TECPR2: variants seen among roughly 807,000 people sequenced by gnomAD.
The protein encoded by TECPR2 is tectonin beta-propeller repeat containing 2.
A neutral mutation model predicts 138.1 loss-of-function variants in TECPR2; 65 were observed. The ratio of observed to expected loss-of-function variants is 0.47; its 90% CI spans 0.39 to 0.58. TECPR2 has a LOEUF of 0.58. Ranked by LOEUF, TECPR2 falls within the 20% of genes least tolerant of loss-of-function variation. The probability of loss-of-function intolerance (pLI) is 0.00; values close to 1 mark genes in which losing one functional copy is unlikely to be tolerated. For missense variants in TECPR2, 1,553 were observed against 1,824.5 expected (o/e 0.85, Z 2.71); for synonymous variants, 746 against 749.8 (o/e 0.99, Z 0.08).
intron 11 of TECPR2, among the ~76,000 whole-genome samples, chr14:102,442,905 C>T (rs1181247340): frequency 3.9e-5 from 6 of 152,352 alleles, no homozygotes; most frequent in African/African-American, 1.4e-4. Context: ...ACTTTATTGA[C>T]AGAACACAAG....
At position 102,363,078 on chromosome 14, in the gene TECPR2, C is replaced by G. The variant is rs2139640405; in HGVS notation, c.-111C>G. On this transcript the variant is annotated 5_prime_UTR_variant, in exon 1 of 20. Coordinates refer to ENST00000359520, the MANE Select transcript of TECPR2 (RefSeq NM_014844.5). ...CGGAGTCCATCCCGCCTCCTCCGGC[C>G]CGGCGGGGCCGACGAGTCCGGAGGG... is the stretch of plus-strand genomic sequence containing the variant. 1 of 494,470 alleles carries G rather than the reference C, an allele frequency of 2.0e-6. No homozygotes were observed. Among genetic ancestry groups the G allele is most frequent in the East Asian group, 3.5e-5 (1 of 28,726 alleles). The allele number at this position is 494,470 out of a possible 1,614,324, so 30.6% of individuals were successfully genotyped here. A position where few individuals can be genotyped will look rare whatever the true frequency, so the allele number is the denominator to read the frequency against.
rs1216568706 is a variant in TECPR2, at chr14:102,501,365, A to G, written c.*3108A>G. The G allele has an allele frequency of 6.6e-6, 1 of 152,238 alleles. No homozygotes were observed. Among genetic ancestry groups the G allele is most frequent in the African/African-American group, 2.4e-5 (1 of 41,450 alleles). 9.4% of individuals were successfully genotyped at this position (152,238 alleles called of 1,614,324 possible). A position where few individuals can be genotyped will look rare whatever the true frequency, so the allele number is the denominator to read the frequency against. ...AAGCTACAGAGGAAAATAAGTACATAGATTTGATTTCTCCAAAATACAGAA... is the reference window on the plus strand; with the variant it reads ...AAGCTACAGAGGAAAATAAGTACATGGATTTGATTTCTCCAAAATACAGAA... On this transcript the variant is annotated 3_prime_UTR_variant, in exon 20 of 20. Transcript: ENST00000359520.
intron 17 of TECPR2, among the ~76,000 whole-genome samples, chr14:102,480,181 G>A (rs1360982313): frequency 1.3e-5 from 2 of 151,022 alleles, no homozygotes; most frequent in African/African-American, 2.4e-5. Flanking sequence ...AATTCAGCAG[G>A]TCTGGGGTGA....
intron 7 of TECPR2, among the ~76,000 whole-genome samples, chr14:102,429,059 C>G: frequency 6.6e-6 from 1 of 152,142 alleles, no homozygotes; most frequent in East Asian, 1.9e-4. Flanking sequence ...GTTGGTCAGG[C>G]AGGTCTCAAA....
At chr14:102,392,122 G>A (rs1888192600) in intron 2 of TECPR2, among the ~76,000 whole-genome samples, 1 of 152,102 alleles carries the variant, frequency 6.6e-6, no homozygotes, top group Non-Finnish European at 1.5e-5. Flanking sequence ...CCAAGTAGCA[G>A]GGATTACAGG....
At chr14:102,457,832 TCTTCCTAA>T (rs1252482506) in intron 16 of TECPR2, among the ~76,000 whole-genome samples, 1 of 151,360 alleles carries the variant, frequency 6.6e-6, no homozygotes. Flanking sequence ...ATTGTGCTCT[TCTTCCTAA>T]CTTCGCTCCT....
In TECPR2 at chr14:102,428,222, G is replaced by GTTTTTTTTTTTTTTTTTTT. The variant is rs565236204; in HGVS notation, c.952-24_952-6dup. 106 of 1,058,630 alleles carry GTTTTTTTTTTTTTTTTTTT rather than the reference G, an allele frequency of 1.0e-4. 6 individuals are homozygous for GTTTTTTTTTTTTTTTTTTT. The highest frequency in any genetic ancestry group is 3.2e-4 in the Middle Eastern group (1 of 3,158). 65.6% of individuals were successfully genotyped at this position (1,058,630 alleles called of 1,614,324 possible). Reference sequence around the variant, plus strand: ...ACCGTTGTTTAGTTTTGTGTTTTTTGTTTTTTTTTTTTTTTTTTTTTTGAC... The same window carrying GTTTTTTTTTTTTTTTTTTT: ...ACCGTTGTTTAGTTTTGTGTTTTTTGTTTTTTTTTTTTTTTTTTTTTTTTTTTTTTTTTTTTTTTTTGAC... On this transcript the variant is annotated intron_variant, in intron 6 of 19. Coordinates refer to ENST00000359520, the MANE Select transcript of TECPR2 (RefSeq NM_014844.5).
At chr14:102,497,381 G>A (rs1482861012) in intron 18 of TECPR2, among the ~76,000 whole-genome samples, 189 bp from the exon 19 acceptor site, 1 of 152,238 alleles carries the variant, frequency 6.6e-6, no homozygotes, top group Non-Finnish European at 1.5e-5. Context: ...TCTGGCTTTC[G>A]GTGGCTTTGC....
Position 102,450,653 on chromosome 14 carries a change from G to A in TECPR2, c.3406+4G>A. The A allele has an allele frequency of 6.2e-7, 1 of 1,614,038 alleles. No individual in the cohort carries two copies. Among genetic ancestry groups the A allele is most frequent in the Non-Finnish European group, 8.5e-7 (1 of 1,179,928 alleles). ...TCTGCAGCTCCCACGAAGGAAGGTGGGTCAGTCTTAGCCTCACTGAAGAAT... is the reference window on the plus strand; with the variant it reads ...TCTGCAGCTCCCACGAAGGAAGGTGAGTCAGTCTTAGCCTCACTGAAGAAT... On this transcript the variant is annotated splice_donor_region_variant and intron_variant, in intron 15 of 19. Transcript: ENST00000359520.
At chr14:102,384,701 G>A (rs112904162) in intron 2 of TECPR2, among the ~76,000 whole-genome samples, 20 of 147,198 alleles carry the variant, frequency 1.4e-4, no homozygotes, top group Admixed American at 2.7e-4. Flanking sequence ...ATATATATAT[G>A]TGTGTGTGTG....
chr14:102,495,748 T>C (rs1366029858), intron 17 of TECPR2, among the ~76,000 whole-genome samples: 4 of 152,204 alleles, frequency 2.6e-5, no homozygotes, highest in Admixed American at 2.6e-4. Context: ...CCTGATCCAC[T>C]GGGACTGGCC....
Position 102,415,444 on chromosome 14 carries a change from C to T in TECPR2, c.638+651C>T, listed in dbSNP as rs1289511118. On this transcript the variant is annotated intron_variant, in intron 5 of 19. Coordinates refer to ENST00000359520, the MANE Select transcript of TECPR2 (RefSeq NM_014844.5). This position sits in a 1 kb window ranked among gnomAD's most constrained non-coding sequence, Gnocchi z 4.3. ...ATGTGGAGGAAGGGCATCGAGAAGT[C>T]CACCAGCCATACCAGCCGTGTGGGA... Among the ~76,000 whole-genome samples, 1 of 152,152 alleles carries T rather than the reference C, an allele frequency of 6.6e-6. No individual in the cohort carries two copies.
chr14:102,449,736 G>A lies in TECPR2; in HGVS notation c.3183G>A (p.Val1061=). The part of the protein sequence containing the change: ...ATAAQAPVEK[V]ADKLRMAFWS... The stretch of plus-strand genomic sequence containing the variant: ...CAGCCCAAGCCCCCGTAGAAAAGGT[G>A]GCAGATAAGCTGCGCATGGCGTTTT... Residue 1061 remains valine (V), a synonymous_variant, in exon 14 of 20, where the codon GTG becomes GTA. Transcript: ENST00000359520. 1 of 1,614,150 alleles carries A rather than the reference G, an allele frequency of 6.2e-7. No individual in the cohort carries two copies. Among genetic ancestry groups the A allele is most frequent in the Non-Finnish European group, 8.5e-7 (1 of 1,180,034 alleles).
At chr14:102,408,741 G>T in intron 4 of TECPR2, 122 bp downstream of exon 4, 1 of 1,096,370 alleles carries the variant, frequency 9.1e-7, no homozygotes. Context: ...AATCTCAATT[G>T]TTATTTGTAA....
chr14:102,457,348 G>T (rs1890299786), intron 16 of TECPR2, among the ~76,000 whole-genome samples: 1 of 152,174 alleles, frequency 6.6e-6, no homozygotes, highest in South Asian at 2.1e-4. Flanking sequence ...GCCTCCCAAA[G>T]TGCTGGGATT....
intron 5 of TECPR2, among the ~76,000 whole-genome samples, chr14:102,416,483 G>A (rs1445417251): frequency 1.3e-5 from 2 of 152,190 alleles, no homozygotes; most frequent in East Asian, 1.9e-4. Context: ...TCTCCCTTTC[G>A]GTCCCTGGAG....
chr14:102,458,210 C>T (rs1372134624), intron 16 of TECPR2, among the ~76,000 whole-genome samples: 2 of 152,168 alleles, frequency 1.3e-5, no homozygotes, highest in Non-Finnish European at 2.9e-5. Context: ...CCAGAGTGCT[C>T]TTTTGGCCAG....
intron 1 of TECPR2, among the ~76,000 whole-genome samples, chr14:102,371,462 G>C (rs1378169426): frequency 6.6e-6 from 1 of 152,092 alleles, no homozygotes; most frequent in East Asian, 1.9e-4. Context: ...GACAAGCCTG[G>C]TGCTAAGCTC....
At chr14:102,387,783 C>T (rs1888052059) in intron 2 of TECPR2, among the ~76,000 whole-genome samples, 1 of 152,188 alleles carries the variant, frequency 6.6e-6, no homozygotes, top group Non-Finnish European at 1.5e-5. Context: ...GCCTCAGCCT[C>T]CCAAAGTGCT....
Sources: allele counts gnomAD v4.1 joint callset (sites outside exome capture counted in the v4.1 genomes callset), GRCh38; gene constraint gnomAD v4.1.1; non-coding constraint Gnocchi (gnomAD v3.1); transcripts MANE v1.5; gene names NCBI Gene and HGNC (gene_info 2026-07-23, HGNC 2026-07-21).